DNAJC17: variants seen among roughly 807,000 people sequenced by gnomAD.
DNAJC17 encodes DnaJ heat shock protein family (Hsp40) member C17.
DNAJC17 carries 35 observed loss-of-function variants against 48.1 expected under a neutral mutation model. The ratio of observed to expected loss-of-function variants is 0.73; its 90% CI spans 0.56 to 0.96. DNAJC17 has a LOEUF of 0.96. Among genes scored for constraint, DNAJC17 ranks in the 50% least tolerant of loss-of-function variants. DNAJC17 has a pLI of 0.00. For synonymous variants in DNAJC17, 117 were observed against 142.7 expected (o/e 0.82, Z 1.28); for missense variants, 355 against 377.1 (o/e 0.94, Z 0.48).
At chr15:40,771,075 G>T in intron 10 of DNAJC17, 1 of 1,513,046 alleles carries the variant, frequency 6.6e-7, no homozygotes, top group Non-Finnish European at 8.9e-7. Context: ...AGAGGCTGGG[G>T]ATTAAGGAAA....
intron 1 of DNAJC17, 98 bp from the exon 2 acceptor site, chr15:40,780,095 A>G (rs573167296): frequency 8.3e-7 from 1 of 1,208,662 alleles, no homozygotes; most frequent in Non-Finnish European, 1.2e-6. Flanking sequence ...ATGCACACCT[A>G]AAAGAGAAGC....
chr15:40,798,603 G>T (rs767706119), intron 1 of DNAJC17, among the ~76,000 whole-genome samples: 10 of 152,156 alleles, frequency 6.6e-5, no homozygotes, highest in Non-Finnish European at 1.5e-4. Context: ...GTGGTGGCAG[G>T]GAACGTGCAG....
chr15:40,780,128 A>T (rs758582579), intron 1 of DNAJC17, 131 bp from the exon 2 acceptor site: 1 of 867,906 alleles, frequency 1.2e-6, no homozygotes, highest in South Asian at 1.4e-5. Context: ...CTTCCTAGCC[A>T]CCAGGGAGAC....
chr15:40,797,324 C>G (rs1889962594), intron 1 of DNAJC17, among the ~76,000 whole-genome samples: 1 of 152,104 alleles, frequency 6.6e-6, no homozygotes, highest in South Asian at 2.1e-4. Flanking sequence ...GAGCTGTGAT[C>G]GCACAATTTC....
At chr15:40,806,948 T>G in intron 1 of DNAJC17, 1 of 309,606 alleles carries the variant, frequency 3.2e-6, no homozygotes. Context: ...GGCTTTGAGA[T>G]CTTACTTTTC....
intron 1 of DNAJC17, among the ~76,000 whole-genome samples, chr15:40,787,859 G>A (rs1213125770): frequency 6.6e-6 from 1 of 152,128 alleles, no homozygotes; most frequent in Non-Finnish European, 1.5e-5. Flanking sequence ...ATACAAAATA[G>A]CCATCATTAA....
Position 40,776,305 on chromosome 15 carries a change from G to T in DNAJC17, c.382-13C>A. 1 of 1,612,700 alleles carries T rather than the reference G, an allele frequency of 6.2e-7. No individual in the cohort carries two copies. The highest frequency in any genetic ancestry group is 8.5e-7 in the Non-Finnish European group (1 of 1,179,232). On this transcript the variant is annotated splice_polypyrimidine_tract_variant and intron_variant, in intron 5 of 10. Transcript: ENST00000220496. ...TCAGGCGTTCGATCTGCAGAGCAGG[G>T]GGTGGGGGTGACAATTCTGTGCAGG...
chr15:40,780,868 C>T (rs959722659), intron 1 of DNAJC17, among the ~76,000 whole-genome samples: 1 of 151,554 alleles, frequency 6.6e-6, no homozygotes, highest in East Asian at 1.9e-4. Flanking sequence ...TGATTGAGGC[C>T]GGACATGGTG....
In DNAJC17 at chr15:40,769,267, C is replaced by A. The variant is rs1035101944; in HGVS notation, c.793-1205G>T. ...CCAGCCTCCTGCAAGAGAAGGAGGA[C>A]CCCAGAGGAAGCCCGGTAGCCAGAG... On this transcript the variant is annotated intron_variant, in intron 10 of 10. Transcript: ENST00000220496. The surrounding 1 kb of genome is among the most constrained non-coding windows in gnomAD (Gnocchi z 4.2). 6.6e-6 allele frequency among the ~76,000 whole-genome samples: 1 copy of A among 152,178 alleles called. No individual in the cohort carries two copies. Among genetic ancestry groups the A allele is most frequent in the African/African-American group, 2.4e-5 (1 of 41,444 alleles).
At position 40,805,501 on chromosome 15, in the gene DNAJC17, T is replaced by A. The variant is rs183866533; in HGVS notation, c.78+1868A>T. Among the ~76,000 whole-genome samples, 113 of 149,542 alleles carry A rather than the reference T, an allele frequency of 7.6e-4. 1 individual carries two copies. Among genetic ancestry groups the A allele is most frequent in the Admixed American group, 5.0e-3 (76 of 15,084 alleles). On this transcript the variant is annotated intron_variant, in intron 1 of 10. Coordinates refer to ENST00000220496, the MANE Select transcript of DNAJC17 (RefSeq NM_018163.3). ...GGCAGAAGTTGCAGTAAGCTGAGATTGCGCCACTGCACTCCAGCCTGGGCG... is the reference window on the plus strand; with the variant it reads ...GGCAGAAGTTGCAGTAAGCTGAGATAGCGCCACTGCACTCCAGCCTGGGCG...
chr15:40,801,737 C>CAA lies in DNAJC17; in HGVS notation c.78+5630_78+5631dup, dbSNP rs1048222450. Among the ~76,000 whole-genome samples, 61 of 63,730 alleles carry CAA rather than the reference C, an allele frequency of 9.6e-4. 1 individual carries two copies. The highest frequency in any genetic ancestry group is 2.3e-3 in the African/African-American group (44 of 19,470). 41.8% of individuals were successfully genotyped at this position (63,730 alleles called of 152,430 possible). A position where few individuals can be genotyped will look rare whatever the true frequency, so the allele number is the denominator to read the frequency against. On this transcript the variant is annotated intron_variant, in intron 1 of 10. Coordinates refer to ENST00000220496, the MANE Select transcript of DNAJC17 (RefSeq NM_018163.3). ...TGGGTGACAGAGCGAGACTCCGTCT[C>CAA]AAAAAAAAAAAAAAAAAAAAGAAAA...
intron 4 of DNAJC17, among the ~76,000 whole-genome samples, chr15:40,777,657 G>A (rs1431707110): frequency 6.6e-6 from 1 of 151,780 alleles, no homozygotes; most frequent in African/African-American, 2.4e-5. Context: ...GGCAGAGGTT[G>A]AAGTGAGCCG....
chr15:40,791,058 C>T (rs1460036807), intron 1 of DNAJC17, among the ~76,000 whole-genome samples: 1 of 152,078 alleles, frequency 6.6e-6, no homozygotes, highest in African/African-American at 2.4e-5. Flanking sequence ...AAAAAATAGG[C>T]CGGGTGCGGT....
intron 9 of DNAJC17, 54 bp from the exon 10 acceptor site, chr15:40,773,891 G>A: frequency 6.7e-7 from 1 of 1,488,766 alleles, no homozygotes. Flanking sequence ...CTATAAAGAG[G>A]CTCTCTCTAC....
rs773507662 is a variant in DNAJC17, at chr15:40,775,520, G to A, written c.522+33C>T. The A allele has an allele frequency of 4.3e-6, 7 of 1,611,440 alleles. No individual in the cohort carries two copies. The African/African-American group carries it at 8.0e-5, about 18-fold the overall frequency. On this transcript the variant is annotated intron_variant, in intron 7 of 10. Coordinates refer to ENST00000220496, the MANE Select transcript of DNAJC17 (RefSeq NM_018163.3). ...CCTGCTGAGGGGAGGCGGTGTGAGTGTGAGGTGGCCCACAGATCCTGCCCA... is the reference window on the plus strand; with the variant it reads ...CCTGCTGAGGGGAGGCGGTGTGAGTATGAGGTGGCCCACAGATCCTGCCCA...
chr15:40,796,151 G>A (rs916080632), intron 1 of DNAJC17, among the ~76,000 whole-genome samples: 1 of 152,210 alleles, frequency 6.6e-6, no homozygotes, highest in African/African-American at 2.4e-5. Context: ...AAGAATGCAT[G>A]TTCATCAATC....
chr15:40,795,248 C>CA (rs1290735790), intron 1 of DNAJC17, among the ~76,000 whole-genome samples: 1 of 119,404 alleles, frequency 8.4e-6, no homozygotes, highest in Non-Finnish European at 1.6e-5. Context: ...GATGGTGTCT[C>CA]AAAAAAAAGG....
chr15:40,805,930 C>G (rs1890204561), intron 1 of DNAJC17, among the ~76,000 whole-genome samples: 1 of 151,936 alleles, frequency 6.6e-6, no homozygotes, highest in Non-Finnish European at 1.5e-5. Context: ...AAAATACTGT[C>G]TAGGACATAG....
intron 5 of DNAJC17, 114 bp downstream of exon 5, chr15:40,776,428 C>G (rs1345994548): frequency 6.8e-7 from 1 of 1,466,160 alleles, no homozygotes; most frequent in Non-Finnish European, 9.5e-7. Context: ...TCACCCAGCT[C>G]CCACTGAAGG....
Sources: allele counts gnomAD v4.1 joint callset (sites outside exome capture counted in the v4.1 genomes callset), GRCh38; gene constraint gnomAD v4.1.1; non-coding constraint Gnocchi (gnomAD v3.1); transcripts MANE v1.5; gene names NCBI Gene and HGNC (gene_info 2026-07-23, HGNC 2026-07-21).